WWOX: variants seen among roughly 807,000 people sequenced by gnomAD.
WWOX encodes the protein WW domain-containing oxidoreductase.
A neutral mutation model predicts 46.2 loss-of-function variants in WWOX; 69 were observed. The observed-to-expected ratio is 1.49, with a 90% CI of 1.23 to 1.82. The LOEUF (loss-of-function observed/expected upper bound fraction) is 1.82. WWOX is among the 40% of genes most tolerant of loss of function. WWOX has a pLI of 0.00. For synonymous variants in WWOX, 359 were observed against 202.6 expected (o/e 1.77, Z -6.56); for missense variants, 919 against 542.6 (o/e 1.69, Z -6.89).
At chr16:79,014,166 G>A (rs781489392) in intron 8 of WWOX, among the ~76,000 whole-genome samples, 3 of 152,208 alleles carry the variant, frequency 2.0e-5, no homozygotes, top group African/African-American at 7.2e-5. Context: ...CCTATTTAAG[G>A]AAGGCCCTGG....
At chr16:79,001,931 G>A (rs114878857) in intron 8 of WWOX, among the ~76,000 whole-genome samples, 68 of 152,166 alleles carry the variant, frequency 4.5e-4, no homozygotes, top group African/African-American at 1.6e-3. Context: ...TAGTGAGACT[G>A]GAGGGAAGAA....
At chr16:78,628,430 G>A (rs374324572) in intron 8 of WWOX, among the ~76,000 whole-genome samples, 1 of 152,152 alleles carries the variant, frequency 6.6e-6, no homozygotes, top group Non-Finnish European at 1.5e-5. Flanking sequence ...TGGGTGCCGA[G>A]AATCAGTATT....
chr16:78,540,200 G>T (rs2043858355), intron 8 of WWOX, among the ~76,000 whole-genome samples: 1 of 149,018 alleles, frequency 6.7e-6, no homozygotes, highest in South Asian at 2.1e-4. Context: ...GGTAACAATA[G>T]AATCTTGATG....
chr16:78,818,169 G>A (rs1289037343), intron 8 of WWOX, among the ~76,000 whole-genome samples: 1 of 152,202 alleles, frequency 6.6e-6, no homozygotes, highest in East Asian at 1.9e-4. Flanking sequence ...ATGTGCCCTT[G>A]CAGAAGGTAG....
intron 8 of WWOX, among the ~76,000 whole-genome samples, chr16:78,978,724 A>T (rs969542282): frequency 6.6e-6 from 1 of 152,004 alleles, no homozygotes. Context: ...GAGGCGCTAC[A>T]CACTTTTCAA....
chr16:78,193,754 G>A (rs926182868), intron 5 of WWOX, among the ~76,000 whole-genome samples: 2 of 152,006 alleles, frequency 1.3e-5, no homozygotes, highest in African/African-American at 4.8e-5. Context: ...ATTTTTGTTT[G>A]TTTGAATTGT....
intron 8 of WWOX, among the ~76,000 whole-genome samples, chr16:78,769,441 A>G (rs1438655833): frequency 6.6e-6 from 1 of 152,166 alleles, no homozygotes; most frequent in Non-Finnish European, 1.5e-5. Flanking sequence ...ACATCGTGGT[A>G]AACAAAGCAA....
chr16:78,127,465 A>T (rs1442243084), intron 4 of WWOX, among the ~76,000 whole-genome samples: 3 of 148,680 alleles, frequency 2.0e-5, no homozygotes, highest in Non-Finnish European at 3.0e-5. Flanking sequence ...ACATTTTAGA[A>T]TTTTTTTGGC....
intron 6 of WWOX, among the ~76,000 whole-genome samples, chr16:78,417,597 C>A (rs572422522): frequency 6.6e-6 from 1 of 152,222 alleles, no homozygotes; most frequent in Non-Finnish European, 1.5e-5. Flanking sequence ...ATGTAAGTCT[C>A]TCTTCACTTT....
chr16:78,317,472 G>C (rs1255049553), intron 5 of WWOX, among the ~76,000 whole-genome samples: 1 of 152,154 alleles, frequency 6.6e-6, no homozygotes, highest in Admixed American at 6.6e-5. Context: ...GTCCCCAAAT[G>C]TCAACAGTAT....
At chr16:79,208,268 C>A (rs914930117) in intron 8 of WWOX, among the ~76,000 whole-genome samples, 6 of 152,106 alleles carry the variant, frequency 3.9e-5, no homozygotes, top group Non-Finnish European at 1.5e-5. Context: ...ATTCTCAGTC[C>A]TGTGTCGTCA....
intron 8 of WWOX, among the ~76,000 whole-genome samples, chr16:79,002,473 T>C (rs933996748): frequency 4.6e-5 from 7 of 152,176 alleles, no homozygotes; most frequent in African/African-American, 1.7e-4. Flanking sequence ...TCCACCTGCC[T>C]TGGCCTCCCA....
chr16:78,799,080 C>G (rs1597629590), intron 8 of WWOX, among the ~76,000 whole-genome samples: 1 of 152,156 alleles, frequency 6.6e-6, no homozygotes, highest in Admixed American at 6.6e-5. Flanking sequence ...CATTTTGTCA[C>G]AATAAGTGTT....
rs373506747 is a variant in WWOX, at chr16:78,340,608, C to T, written c.517-46252C>T. Among the ~76,000 whole-genome samples, 6 of 121,024 alleles carry T rather than the reference C, an allele frequency of 5.0e-5. 1 individual carries two copies. The highest frequency in any genetic ancestry group is 4.0e-4 in the Admixed American group (5 of 12,404). The allele number at this position is 121,024 out of a possible 152,430, so 79.4% of individuals were successfully genotyped here. ...GCTGCCAACTCTTAGCACATGGCCA[C>T]GGCCAGTTAACTGTGGACTCCTCTG... is the stretch of plus-strand genomic sequence containing the variant. On this transcript the variant is annotated intron_variant, in intron 5 of 8. Coordinates refer to ENST00000566780, the MANE Select transcript of WWOX (RefSeq NM_016373.4).
intron 5 of WWOX, among the ~76,000 whole-genome samples, chr16:78,199,211 G>C (rs2036153502): frequency 6.6e-6 from 1 of 152,118 alleles, no homozygotes. Context: ...TACTCGGGAG[G>C]CTGAGGCAGG....
chr16:79,149,846 G>C (rs1229719384), intron 8 of WWOX, among the ~76,000 whole-genome samples: 1 of 152,114 alleles, frequency 6.6e-6, no homozygotes, highest in Non-Finnish European at 1.5e-5. Context: ...CAGCCATCTT[G>C]CAGTATGGGT....
At chr16:79,043,622 C>T (rs1342282393) in intron 8 of WWOX, among the ~76,000 whole-genome samples, 4 of 152,058 alleles carry the variant, frequency 2.6e-5, no homozygotes, top group Admixed American at 6.5e-5. Flanking sequence ...ACACACAAAC[C>T]CACATTTTAT....
intron 5 of WWOX, chr16:78,264,700 A>C (rs756996594): frequency 6.6e-6 from 1 of 152,192 alleles, no homozygotes; most frequent in Non-Finnish European, 1.5e-5. Context: ...TATGGCTGCA[A>C]TGTTTGTTGA....
At chr16:78,267,394 G>A (rs2079389641) in intron 5 of WWOX, among the ~76,000 whole-genome samples, 1 of 152,150 alleles carries the variant, frequency 6.6e-6, no homozygotes, top group Non-Finnish European at 1.5e-5. Context: ...CTGACTTTTC[G>A]CTTCATTTTC....
Sources: gnomAD v4.1 joint callset for allele counts (sites outside exome capture counted in the v4.1 genomes callset) on GRCh38, gnomAD v4.1.1 for gene constraint, MANE v1.5 for transcripts, NCBI Gene and HGNC (gene_info 2026-07-23, HGNC 2026-07-21) for gene names.